The following CDH12 variants were observed in gnomAD, a reference collection of about 807,000 sequenced individuals.
CDH12 encodes cadherin-12.
In CDH12, 41 loss-of-function variants were observed where a neutral mutation model predicts 74.1. The observed-to-expected ratio is 0.55, with a 90% CI of 0.43 to 0.72. CDH12 has a LOEUF of 0.72. Ranked by LOEUF, CDH12 falls within the 30% of genes least tolerant of loss-of-function variation. The pLI, the probability that CDH12 is intolerant of heterozygous loss-of-function variation, is 0.00. For synonymous variants in CDH12, 399 were observed against 355.0 expected (o/e 1.12, Z -1.39); for missense variants, 945 against 977.2 (o/e 0.97, Z 0.44).
intron 3 of CDH12, among the ~76,000 whole-genome samples, chr5:22,256,343 C>T (rs1049997676): frequency 3.3e-5 from 5 of 152,110 alleles, no homozygotes; most frequent in Non-Finnish European, 5.9e-5. Context: ...GACACTGTAG[C>T]CACCTTAACA....
chr5:22,076,731 C>A (rs953056415), intron 5 of CDH12, among the ~76,000 whole-genome samples: 1 of 152,124 alleles, frequency 6.6e-6, no homozygotes, highest in African/African-American at 2.4e-5. Flanking sequence ...AAGCTTTATG[C>A]AGTAACCTCC....
chr5:22,058,640 A>C, intron 5 of CDH12, among the ~76,000 whole-genome samples: 1 of 151,052 alleles, frequency 6.6e-6, no homozygotes, highest in South Asian at 2.1e-4. Context: ...GCACCTTTTT[A>C]ATGTACAAAG....
At chr5:21,803,018 A>G (rs1167337788) in intron 9 of CDH12, among the ~76,000 whole-genome samples, 1 of 152,172 alleles carries the variant, frequency 6.6e-6, no homozygotes, top group Non-Finnish European at 1.5e-5. Context: ...TTATATGAGC[A>G]AAGTTAAAAC....
chr5:22,657,382 A>G lies in CDH12; in HGVS notation c.-522-152018T>C, dbSNP rs2126892520. On this transcript the variant is annotated intron_variant, in intron 1 of 14. Coordinates refer to ENST00000382254, the MANE Select transcript of CDH12 (RefSeq NM_004061.5). ...CAGGGCTTCATTTAGGATATATGCAATTTATTATTTATAAATTAAACTTTG... is the reference window on the plus strand; with the variant it reads ...CAGGGCTTCATTTAGGATATATGCAGTTTATTATTTATAAATTAAACTTTG... Among the ~76,000 whole-genome samples the G allele has an allele frequency of 2.0e-5, 3 of 152,286 alleles. No homozygotes were observed. In the South Asian group the frequency reaches 6.2e-4, roughly 32 times the overall value.
intron 4 of CDH12, among the ~76,000 whole-genome samples, chr5:22,119,649 T>C (rs1745388905): frequency 6.6e-6 from 1 of 152,152 alleles, no homozygotes; most frequent in Admixed American, 6.6e-5. Flanking sequence ...ATATAAATTA[T>C]GGGTTTTTGT....
chr5:22,315,898 A>G (rs1255570425), intron 3 of CDH12, among the ~76,000 whole-genome samples: 2 of 149,796 alleles, frequency 1.3e-5, no homozygotes, highest in Admixed American at 6.7e-5. Context: ...TAGGAGTTTC[A>G]TTTTTTTTTT....
intron 3 of CDH12, among the ~76,000 whole-genome samples, chr5:22,257,953 A>G (rs1051520693): frequency 2.0e-5 from 3 of 152,128 alleles, no homozygotes; most frequent in Non-Finnish European, 2.9e-5. Flanking sequence ...AAAAAATAAA[A>G]CACTTTATAA....
chr5:22,686,346 G>A (rs1191031152), intron 1 of CDH12, among the ~76,000 whole-genome samples: 1 of 152,038 alleles, frequency 6.6e-6, no homozygotes, highest in Admixed American at 6.6e-5. Flanking sequence ...TCACTTTAGG[G>A]ATGATGTCTT....
At chr5:22,287,542 G>C (rs1354548294) in intron 3 of CDH12, among the ~76,000 whole-genome samples, 5 of 151,744 alleles carry the variant, frequency 3.3e-5, no homozygotes, top group Non-Finnish European at 7.4e-5. Context: ...GGCTAACACG[G>C]TGAAACCCCG....
chr5:22,377,025 C>T (rs1484728848), intron 3 of CDH12, among the ~76,000 whole-genome samples: 2 of 152,128 alleles, frequency 1.3e-5, no homozygotes. Context: ...TGGGACCTTA[C>T]TGAAGGCAAC....
At chr5:22,064,572 T>C (rs1327826413) in intron 5 of CDH12, among the ~76,000 whole-genome samples, 1 of 152,172 alleles carries the variant, frequency 6.6e-6, no homozygotes, top group East Asian at 1.9e-4. Context: ...CAGAGATATG[T>C]AGAATATCAC....
At chr5:21,796,451 A>G (rs943613348) in intron 10 of CDH12, among the ~76,000 whole-genome samples, 2 of 152,070 alleles carry the variant, frequency 1.3e-5, no homozygotes, top group Non-Finnish European at 2.9e-5. Context: ...TTTTCACACC[A>G]TTGCAAAGTG....
rs1266677619 is a variant in CDH12, at chr5:21,842,196, G to A, written c.779C>T (p.Thr260Ile). The change falls in exon 8 of 15, where the codon ACC becomes ATC. Residue 260 changes from threonine to isoleucine, a missense_variant. Thr to Ile is a moderately conservative substitution (Grantham distance 89). Transcript: ENST00000382254. Reference sequence around the variant, plus strand: ...TCGAGGTGGATTGTCATTGACATCGGTGAGAGTGATGTTGACTATTGTTGT... The same window carrying A: ...TCGAGGTGGATTGTCATTGACATCGATGAGAGTGATGTTGACTATTGTTGT... Reference protein sequence around the residue: ...AGTTIVNITLTDVNDNPPRFP... With the variant: ...AGTTIVNITLIDVNDNPPRFP... 6.2e-7 allele frequency: 1 copy of A among 1,612,834 alleles called. No homozygotes were observed.
At chr5:22,572,294 T>C (rs1739578770) in intron 1 of CDH12, among the ~76,000 whole-genome samples, 1 of 152,256 alleles carries the variant, frequency 6.6e-6, no homozygotes, top group East Asian at 1.9e-4. Flanking sequence ...AAAAATTTTT[T>C]AGTATTTTTA....
chr5:22,141,446 A>G (rs2963652), intron 4 of CDH12: 29,854 of 152,114 alleles, frequency 0.2, 3,777 homozygotes, highest in African/African-American at 0.36. Context: ...AGAGAAGAGC[A>G]TCCTTAGTTC....
intron 2 of CDH12, among the ~76,000 whole-genome samples, chr5:22,462,862 ACT>A (rs1380582511): frequency 1.2e-4 from 18 of 152,152 alleles, no homozygotes; most frequent in African/African-American, 3.9e-4. Flanking sequence ...GCATATAAAC[ACT>A]GTTAATTTAG....
chr5:22,571,378 G>A (rs2126766239), intron 1 of CDH12, among the ~76,000 whole-genome samples: 1 of 152,022 alleles, frequency 6.6e-6, no homozygotes, highest in South Asian at 2.1e-4. Flanking sequence ...TCAGGCTGGA[G>A]CGCAAAGGTG....
intron 1 of CDH12, among the ~76,000 whole-genome samples, chr5:22,557,856 T>C (rs1187331489): frequency 1.3e-5 from 2 of 152,124 alleles, no homozygotes; most frequent in Non-Finnish European, 2.9e-5. Flanking sequence ...TCAGGAAACA[T>C]AGACTTACTT....
At chr5:21,859,680 T>G (rs13168924) in intron 6 of CDH12, among the ~76,000 whole-genome samples, 9,413 of 151,978 alleles carry the variant, frequency 0.062, 364 homozygotes, top group East Asian at 0.15. Flanking sequence ...GGAGAAATGC[T>G]GACACCAGGA....
Sources: allele counts gnomAD v4.1 joint callset (sites outside exome capture counted in the v4.1 genomes callset), GRCh38; gene constraint gnomAD v4.1.1; transcripts MANE v1.5; gene names NCBI Gene and HGNC (gene_info 2026-07-23, HGNC 2026-07-21).